SLIT2: variants seen among roughly 807,000 people sequenced by gnomAD.
SLIT2 encodes the protein slit homolog 2 protein.
A neutral mutation model predicts 185.7 loss-of-function variants in SLIT2; 41 were observed. The observed-to-expected ratio is 0.22, with a 90% CI of 0.17 to 0.29. The LOEUF (loss-of-function observed/expected upper bound fraction) is 0.29, where lower values mean the gene tolerates loss of function less well. Ranked by LOEUF, SLIT2 falls within the 10% of genes least tolerant of loss-of-function variation. SLIT2 has a pLI of 1.00. For missense variants in SLIT2, 1,571 were observed against 1,909.0 expected (o/e 0.82, Z 3.30); for synonymous variants, 693 against 680.2 (o/e 1.02, Z -0.29).
chr4:20,537,394 T>G (rs1229828641), intron 18 of SLIT2, among the ~76,000 whole-genome samples: 1 of 152,060 alleles, frequency 6.6e-6, no homozygotes, highest in African/African-American at 2.4e-5. Context: ...AAAATATTGT[T>G]CTATGGTGCA....
Position 20,579,698 on chromosome 4 carries a change from A to G in SLIT2, c.3089-9946A>G, listed in dbSNP as rs1378578456. Among the ~76,000 whole-genome samples the G allele has an allele frequency of 2.0e-5, 3 of 152,038 alleles. No individual in the cohort carries two copies. In the South Asian group the frequency reaches 6.2e-4, roughly 32 times the overall value. Reference sequence around the variant, plus strand: ...CAGCTTTTGTTGGCGAAATAAAAAAACCTCACTCTGAGAGAGTACATGTAA... The same window carrying G: ...CAGCTTTTGTTGGCGAAATAAAAAAGCCTCACTCTGAGAGAGTACATGTAA... On this transcript the variant is annotated intron_variant, in intron 29 of 36. Coordinates refer to ENST00000504154, the MANE Select transcript of SLIT2 (RefSeq NM_004787.4).
At chr4:20,455,327 A>G (rs1449492693) in intron 4 of SLIT2, among the ~76,000 whole-genome samples, 1 of 152,120 alleles carries the variant, frequency 6.6e-6, no homozygotes, top group Admixed American at 6.6e-5. Flanking sequence ...AACAGACAAG[A>G]CTTCTAAGAG....
At chr4:20,513,250 G>T (rs530953642) in intron 11 of SLIT2, among the ~76,000 whole-genome samples, 37 of 152,166 alleles carry the variant, frequency 2.4e-4, no homozygotes, top group Non-Finnish European at 4.6e-4. Flanking sequence ...AGTTCAAAAT[G>T]TAGCAACGTG....
At chr4:20,592,753 G>A (rs1342156163) in intron 30 of SLIT2, among the ~76,000 whole-genome samples, 1 of 151,820 alleles carries the variant, frequency 6.6e-6, no homozygotes, top group Non-Finnish European at 1.5e-5. Context: ...TTCTCTTCTC[G>A]GGCCTTGTCC....
At chr4:20,574,881 A>G (rs2148925497) in intron 29 of SLIT2, among the ~76,000 whole-genome samples, 1 of 150,470 alleles carries the variant, frequency 6.6e-6, no homozygotes, top group East Asian at 2.0e-4. Context: ...CATTGTTTGG[A>G]TGATTTACTG....
intron 4 of SLIT2, among the ~76,000 whole-genome samples, chr4:20,355,860 G>C (rs1722278427): frequency 6.6e-6 from 1 of 152,112 alleles, no homozygotes; most frequent in African/African-American, 2.4e-5. Flanking sequence ...GCTATGGAAA[G>C]AGATAGCAGT....
chr4:20,301,559 C>T (rs1032351074), intron 4 of SLIT2, among the ~76,000 whole-genome samples: 4 of 152,056 alleles, frequency 2.6e-5, no homozygotes, highest in Admixed American at 2.6e-4. Flanking sequence ...AATTGAAGAG[C>T]TATGTAGTTA....
intron 16 of SLIT2, 74 bp from the exon 17 acceptor site, chr4:20,531,910 A>G: frequency 1.3e-6 from 1 of 783,992 alleles, no homozygotes; most frequent in South Asian, 1.7e-5. Context: ...GTTAGAATTC[A>G]TTTTGAGAAA....
chr4:20,566,271 A>C (rs1251755935), intron 26 of SLIT2, among the ~76,000 whole-genome samples: 6 of 152,084 alleles, frequency 3.9e-5, no homozygotes, highest in African/African-American at 1.4e-4. Context: ...GAAATACTAC[A>C]GAGTGAAATA....
chr4:20,360,807 C>A (rs147655605), intron 4 of SLIT2, among the ~76,000 whole-genome samples: 3 of 151,984 alleles, frequency 2.0e-5, no homozygotes, highest in Non-Finnish European at 4.4e-5. Context: ...AAAATAGATA[C>A]CATTTATTGA....
At chr4:20,377,463 A>C (rs184624465) in intron 4 of SLIT2, among the ~76,000 whole-genome samples, 1 of 152,102 alleles carries the variant, frequency 6.6e-6, no homozygotes, top group Non-Finnish European at 1.5e-5. Context: ...CATAAGCCCT[A>C]CCCTCCCCTG....
At chr4:20,321,950 C>T (rs1011418900) in intron 4 of SLIT2, among the ~76,000 whole-genome samples, 11 of 152,128 alleles carry the variant, frequency 7.2e-5, no homozygotes, top group Non-Finnish European at 1.3e-4. Flanking sequence ...GACTCTCTGG[C>T]CCAGACCAGA....
At chr4:20,382,955 T>C (rs1724648749) in intron 4 of SLIT2, among the ~76,000 whole-genome samples, 1 of 152,092 alleles carries the variant, frequency 6.6e-6, no homozygotes, top group East Asian at 1.9e-4. Context: ...TAGACATAGA[T>C]TAGTGGAATA....
intron 3 of SLIT2, among the ~76,000 whole-genome samples, chr4:20,260,772 T>C (rs1247357558): frequency 6.6e-6 from 1 of 151,874 alleles, no homozygotes; most frequent in African/African-American, 2.4e-5. Context: ...ATTATAGCTA[T>C]AAAAGATAGT....
chr4:20,325,071 T>A (rs1719445554), intron 4 of SLIT2, among the ~76,000 whole-genome samples: 1 of 151,992 alleles, frequency 6.6e-6, no homozygotes, highest in Non-Finnish European at 1.5e-5. Flanking sequence ...TTTTGCTTTC[T>A]CTTTTCTTCC....
At chr4:20,490,810 A>G in intron 8 of SLIT2, 1 of 1,521,112 alleles carries the variant, frequency 6.6e-7, no homozygotes, top group South Asian at 1.2e-5. Flanking sequence ...TAGATGAGGA[A>G]GAAGGCAAGT....
rs78157007 is a variant in SLIT2 at position 20,451,943 on chromosome 4, T to C, written c.396-15809T>C. ...TAAGTATGATGAGTTAAAATACCCATTGACAGCTGGCAAAACAACCAAAGC... is the reference window on the plus strand; with the variant it reads ...TAAGTATGATGAGTTAAAATACCCACTGACAGCTGGCAAAACAACCAAAGC... On this transcript the variant is annotated intron_variant, in intron 4 of 36. Coordinates refer to ENST00000504154, the MANE Select transcript of SLIT2 (RefSeq NM_004787.4). Among the ~76,000 whole-genome samples, 882 of 152,316 alleles carry C rather than the reference T, an allele frequency of 5.8e-3. 8 individuals carry two copies. Among genetic ancestry groups the C allele is most frequent in the East Asian group, 0.05 (258 of 5,178 alleles).
rs1394200851 is a variant in SLIT2, at chr4:20,507,593, G to T, written c.915-2902G>T. On this transcript the variant is annotated intron_variant, in intron 9 of 36. Transcript: ENST00000504154. ...AAATGTATGAACATCTCTGTTTTTT[G>T]ATTATCATTGAATTCCAGTTATACA... 2.6e-5 allele frequency among the ~76,000 whole-genome samples: 4 copies of T among 151,626 alleles called. No homozygotes were observed. The East Asian group carries it at 7.8e-4, about 29-fold the overall frequency.
Position 20,519,437 on chromosome 4 carries a change from T to C in SLIT2, c.1114T>C (p.Phe372Leu), listed in dbSNP as rs1243008384. ...CCCCAAAAGTTTATTTGAAGGACTG[T>C]TTTCCTTACAGCTCCTGTAAGTATT... is the stretch of plus-strand genomic sequence containing the variant. ...ELPKSLFEGL[F>L]SLQLLLLNAN... The change falls in exon 12 of 37, where the codon TTT (phenylalanine) becomes CTT (leucine). Residue 372 changes from phenylalanine to leucine, a missense_variant. Physicochemically the swap from Phe to Leu is conservative, Grantham distance 22. Transcript: ENST00000504154. The C allele has an allele frequency of 6.3e-7, 1 of 1,577,840 alleles. No individual in the cohort carries two copies. Among genetic ancestry groups the C allele is most frequent in the Non-Finnish European group, 8.7e-7 (1 of 1,147,764 alleles).
Sources: gnomAD v4.1 joint callset for allele counts (sites outside exome capture counted in the v4.1 genomes callset) on GRCh38, gnomAD v4.1.1 for gene constraint, MANE v1.5 for transcripts, NCBI Gene and HGNC (gene_info 2026-07-23, HGNC 2026-07-21) for gene names.